The following CACNA1E variants were observed in gnomAD, a reference collection of about 807,000 sequenced individuals.
CACNA1E encodes voltage-dependent R-type calcium channel subunit alpha-1E.
Under a neutral mutation model 259.2 loss-of-function variants are expected in CACNA1E, and 40 were observed. The observed-to-expected ratio is 0.15, with a 90% CI of 0.12 to 0.20. The LOEUF (loss-of-function observed/expected upper bound fraction) is 0.20. Among genes scored for constraint, CACNA1E ranks in the 10% least tolerant of loss-of-function variants. The pLI, the probability that CACNA1E is intolerant of heterozygous loss-of-function variation, is 1.00. For synonymous variants in CACNA1E, 1,104 were observed against 1,138.5 expected (o/e 0.97, Z 0.61); for missense variants, 1,874 against 3,040.1 (o/e 0.62, Z 9.02).
At chr1:181,447,440 A>C (rs1244140688) in intron 2 of CACNA1E, among the ~76,000 whole-genome samples, 4 of 151,802 alleles carry the variant, frequency 2.6e-5, no homozygotes, top group Non-Finnish European at 5.9e-5. Context: ...CTGAGGTGGG[A>C]GGATGGCTTG....
chr1:181,475,801 C>T (rs1662805778), intron 2 of CACNA1E, among the ~76,000 whole-genome samples: 1 of 152,108 alleles, frequency 6.6e-6, no homozygotes, highest in African/African-American at 2.4e-5. Flanking sequence ...CATATTGAGT[C>T]TGGGGATGAG....
chr1:181,794,360 T>A (rs114322210), intron 45 of CACNA1E, among the ~76,000 whole-genome samples: 2,591 of 151,776 alleles, frequency 0.017, 67 homozygotes, highest in African/African-American at 0.059. Flanking sequence ...AGAGGGAGAG[T>A]GATACATTCT....
Position 181,806,486 on chromosome 1 carries a change from A to G in CACNA1E, c.*7652A>G, listed in dbSNP as rs1662634467. On this transcript the variant is annotated 3_prime_UTR_variant, in exon 48 of 48. Transcript: ENST00000367573. ...TAAAATGCTGCTACCTGCATTCTAAAACGTGCAAGTCATGCCCCACAAGAC... is the reference window on the plus strand; with the variant it reads ...TAAAATGCTGCTACCTGCATTCTAAGACGTGCAAGTCATGCCCCACAAGAC... The G allele has an allele frequency of 6.6e-6, 1 of 152,180 alleles. No homozygotes were observed. The highest frequency in any genetic ancestry group is 1.5e-5 in the Non-Finnish European group (1 of 68,060). The allele number at this position is 152,180 out of a possible 1,614,324, so 9.4% of individuals were successfully genotyped here.
At chr1:181,718,615 C>CAT (rs1411631031) in intron 12 of CACNA1E, among the ~76,000 whole-genome samples, 11 of 33,612 alleles carry the variant, frequency 3.3e-4, no homozygotes, top group African/African-American at 1.4e-3. Context: ...CATTCAAACA[C>CAT]ACACACACAC....
chr1:181,692,594 A>G (rs1651278847), intron 7 of CACNA1E, among the ~76,000 whole-genome samples: 1 of 152,214 alleles, frequency 6.6e-6, no homozygotes, highest in Non-Finnish European at 1.5e-5. Flanking sequence ...ATAGCTGGTT[A>G]GCTAGATGCA....
At chr1:181,730,936 G>A (rs189131919) in intron 18 of CACNA1E, among the ~76,000 whole-genome samples, 140 of 152,348 alleles carry the variant, frequency 9.2e-4, no homozygotes, top group Admixed American at 1.5e-3. Context: ...GGCATAACCT[G>A]TGTGCCTCTG....
chr1:181,687,769 ATT>A (rs905990969), intron 7 of CACNA1E, among the ~76,000 whole-genome samples: 1 of 151,806 alleles, frequency 6.6e-6, no homozygotes, highest in Non-Finnish European at 1.5e-5. Context: ...TATATATTTT[ATT>A]TTTTTTCCTA....
At chr1:181,746,665 T>C (rs1163698714) in intron 25 of CACNA1E, among the ~76,000 whole-genome samples, 1 of 152,168 alleles carries the variant, frequency 6.6e-6, no homozygotes, top group Non-Finnish European at 1.5e-5. Context: ...GTTTCATCTG[T>C]AACTTTTTTT....
chr1:181,468,692 T>C (rs558164514), intron 2 of CACNA1E, among the ~76,000 whole-genome samples: 2 of 152,308 alleles, frequency 1.3e-5, no homozygotes, highest in Non-Finnish European at 1.5e-5. Flanking sequence ...GAGATCACTT[T>C]TGTCATATGA....
chr1:181,331,480 C>T (rs1198749044), intron 1 of CACNA1E, among the ~76,000 whole-genome samples: 1 of 152,094 alleles, frequency 6.6e-6, no homozygotes, highest in Non-Finnish European at 1.5e-5. Context: ...AAGAGTGTAT[C>T]CCAGCTCCAG....
chr1:181,713,381 CT>C (rs1332302843), intron 8 of CACNA1E, among the ~76,000 whole-genome samples: 5 of 152,134 alleles, frequency 3.3e-5, no homozygotes, highest in African/African-American at 1.2e-4. Flanking sequence ...CTTAAAAACC[CT>C]TTATGTCTGC....
intron 25 of CACNA1E, among the ~76,000 whole-genome samples, chr1:181,744,645 C>T (rs141995464): frequency 1.1e-3 from 171 of 152,332 alleles, no homozygotes; most frequent in African/African-American, 3.7e-3. Flanking sequence ...AAACCTCCAG[C>T]GTTGCCTATG....
chr1:181,707,559 C>T lies in CACNA1E; in HGVS notation c.1056-3395C>T, dbSNP rs72735210. On this transcript the variant is annotated intron_variant, in intron 7 of 47. Transcript: ENST00000367573. ...TATCCTACCAGAAATCAAGCTACATCGTCATTCTGGGGGCCTTATAAAGAT... is the reference window on the plus strand; with the variant it reads ...TATCCTACCAGAAATCAAGCTACATTGTCATTCTGGGGGCCTTATAAAGAT... Among the ~76,000 whole-genome samples, 1,010 of 152,256 alleles carry T rather than the reference C, an allele frequency of 6.6e-3. 12 individuals are homozygous for T. The highest frequency in any genetic ancestry group is 8.2e-3 in the Non-Finnish European group (559 of 68,008).
In CACNA1E at chr1:181,805,465, G is replaced by A. The variant is rs1662566216; in HGVS notation, c.*6631G>A. On this transcript the variant is annotated 3_prime_UTR_variant, in exon 48 of 48. Coordinates refer to ENST00000367573, the MANE Select transcript of CACNA1E (RefSeq NM_001205293.3). ...TAATATGAAATGAGGGCTAAACAAT[G>A]TAATATAACTGCCAGTTAAGGTAGA... 6.6e-6 allele frequency: 1 copy of A among 152,196 alleles called. No individual in the cohort carries two copies. The highest frequency in any genetic ancestry group is 2.4e-5 in the African/African-American group (1 of 41,454). The allele number at this position is 152,196 out of a possible 1,614,324, so 9.4% of individuals were successfully genotyped here. A position where few individuals can be genotyped will look rare whatever the true frequency, so the allele number is the denominator to read the frequency against.
intron 6 of CACNA1E, among the ~76,000 whole-genome samples, chr1:181,590,433 ATATT>A (rs1170691231): frequency 2.0e-5 from 3 of 148,706 alleles, no homozygotes; most frequent in African/African-American, 7.4e-5. Flanking sequence ...ATATATATAT[ATATT>A]GTATTTGACT....
chr1:181,509,385 G>T (rs1188219925), intron 1 of CACNA1E, among the ~76,000 whole-genome samples: 1 of 152,190 alleles, frequency 6.6e-6, no homozygotes, highest in Admixed American at 6.5e-5. Context: ...TACACAGCCT[G>T]TCTGGGTATG....
intron 22 of CACNA1E, 72 bp from the exon 23 acceptor site, chr1:181,737,453 A>G (rs1209834376): frequency 2.2e-5 from 34 of 1,565,278 alleles, no homozygotes; most frequent in Non-Finnish European, 3.0e-5. Flanking sequence ...CAATATGTGT[A>G]TGTGGGAGTG....
intron 3 of CACNA1E, among the ~76,000 whole-genome samples, chr1:181,512,037 A>G (rs1411622762): frequency 6.6e-6 from 1 of 152,276 alleles, no homozygotes; most frequent in African/African-American, 2.4e-5. Flanking sequence ...ATAAAATCGA[A>G]TCATATTAAA....
chr1:181,567,245 A>G (rs1408069177), intron 3 of CACNA1E, among the ~76,000 whole-genome samples: 1 of 152,034 alleles, frequency 6.6e-6, no homozygotes, highest in Non-Finnish European at 1.5e-5. Flanking sequence ...TAAATACAGT[A>G]CTCTTTATTC....
Sources: gnomAD v4.1 joint callset for allele counts (sites outside exome capture counted in the v4.1 genomes callset) on GRCh38, gnomAD v4.1.1 for gene constraint, MANE v1.5 for transcripts, NCBI Gene and HGNC (gene_info 2026-07-23, HGNC 2026-07-21) for gene names.